The following PPP3CA variants were observed in gnomAD, a reference collection of about 807,000 sequenced individuals.
PPP3CA encodes the protein CAM-PRP catalytic subunit.
Under a neutral mutation model 66.5 loss-of-function variants are expected in PPP3CA, and 14 were observed. The observed-to-expected ratio is 0.21, with a 90% confidence interval of 0.14 to 0.33. The LOEUF (loss-of-function observed/expected upper bound fraction) is 0.33, where lower values mean the gene tolerates loss of function less well. Ranked by LOEUF, PPP3CA falls within the 10% of genes least tolerant of loss-of-function variation. The pLI is 1.00. For synonymous variants in PPP3CA, 232 were observed against 226.2 expected (o/e 1.03, Z -0.23); for missense variants, 317 against 639.5 (o/e 0.50, Z 5.44).
At chr4:101,124,711 A>G (rs868679326) in intron 2 of PPP3CA, among the ~76,000 whole-genome samples, 13 of 97,638 alleles carry the variant, frequency 1.3e-4, no homozygotes, top group East Asian at 1.1e-3. Context: ...GAAAGAAAGA[A>G]AGAAAGAAAG....
Position 101,201,873 on chromosome 4 carries a change from T to C in PPP3CA, c.59-5757A>G, listed in dbSNP as rs537520113. Among the ~76,000 whole-genome samples, 9 of 152,278 alleles carry C rather than the reference T, an allele frequency of 5.9e-5. No individual in the cohort carries two copies. The East Asian group carries it at 1.7e-3, about 29-fold the overall frequency. ...ATGCTAATCAAACTATATCAATTAA[T>C]CAATCAACCAGCAGCACCTATTAGG... On this transcript the variant is annotated intron_variant, in intron 1 of 13. Coordinates refer to ENST00000394854, the MANE Select transcript of PPP3CA (RefSeq NM_000944.5).
intron 1 of PPP3CA, among the ~76,000 whole-genome samples, chr4:101,269,157 T>C (rs1727256189): frequency 6.6e-6 from 1 of 152,168 alleles, no homozygotes; most frequent in Admixed American, 6.6e-5. Context: ...TCATCGTCTA[T>C]GACAGGCTAT....
rs1730050354 is a variant in PPP3CA, at chr4:101,347,342, CGCTGCCGCT to C, written c.-555_-547del. ...CCGCCGCTGCTGCCGCTGCTGCTGCCGCTGCCGCTGTTGCTGCTGCCGCTGCCCCTGCTT... is the reference window on the plus strand; with the variant it reads ...CCGCCGCTGCTGCCGCTGCTGCTGCCGTTGCTGCTGCCGCTGCCCCTGCTT... On this transcript the variant is annotated 5_prime_UTR_variant, in exon 1 of 14. Transcript: ENST00000394854. The C allele has an allele frequency of 9.8e-6, 2 of 203,910 alleles. No individual in the cohort carries two copies. The highest frequency in any genetic ancestry group is 1.4e-4 in the South Asian group (2 of 14,534). The allele number at this position is 203,910 out of a possible 1,614,324, so 12.6% of individuals were successfully genotyped here. A position where few individuals can be genotyped will look rare whatever the true frequency, so the allele number is the denominator to read the frequency against.
At chr4:101,327,372 A>G (rs1313523163) in intron 1 of PPP3CA, among the ~76,000 whole-genome samples, 1 of 152,152 alleles carries the variant, frequency 6.6e-6, no homozygotes, top group Non-Finnish European at 1.5e-5. Flanking sequence ...AGCTCAAGGA[A>G]GAACAAAAAC....
chr4:101,028,275 G>A (rs1726760067), intron 13 of PPP3CA, among the ~76,000 whole-genome samples: 1 of 152,158 alleles, frequency 6.6e-6, no homozygotes, highest in African/African-American at 2.4e-5. Context: ...AATTTCCAAA[G>A]GATATGGTAT....
intron 1 of PPP3CA, among the ~76,000 whole-genome samples, chr4:101,200,274 A>T (rs950149021): frequency 3.9e-5 from 6 of 152,190 alleles, no homozygotes; most frequent in African/African-American, 1.4e-4. Flanking sequence ...AACTTTTTAA[A>T]ATACTGTATC....
At chr4:101,066,248 T>G (rs1216164474) in intron 8 of PPP3CA, among the ~76,000 whole-genome samples, 1 of 152,120 alleles carries the variant, frequency 6.6e-6, no homozygotes, top group East Asian at 1.9e-4. Flanking sequence ...TCTCCTTCCA[T>G]GTTTAATCTC....
intron 1 of PPP3CA, among the ~76,000 whole-genome samples, chr4:101,206,056 G>A (rs1436838233): frequency 6.6e-6 from 1 of 152,170 alleles, no homozygotes; most frequent in African/African-American, 2.4e-5. Flanking sequence ...AAAACATCAG[G>A]CCCTCTGGGT....
intron 2 of PPP3CA, among the ~76,000 whole-genome samples, chr4:101,124,743 GAAAGAAAGAA>G (rs1722178085): frequency 9.7e-6 from 1 of 103,064 alleles, no homozygotes; most frequent in Admixed American, 9.9e-5. Flanking sequence ...AAGAAAGAAA[GAAAGAAAGAA>G]AGAAAGAAAG....
intron 3 of PPP3CA, among the ~76,000 whole-genome samples, chr4:101,102,904 C>G (rs1351972271): frequency 1.3e-5 from 2 of 152,168 alleles, no homozygotes; most frequent in African/African-American, 4.8e-5. Context: ...CTAATCACTT[C>G]AACTGGACCG....
At chr4:101,067,837 A>G (rs1728749211) in intron 8 of PPP3CA, among the ~76,000 whole-genome samples, 1 of 150,126 alleles carries the variant, frequency 6.7e-6, no homozygotes, top group African/African-American at 2.5e-5. Flanking sequence ...TAATAATAAT[A>G]ATAAAAAGCT....
intron 2 of PPP3CA, among the ~76,000 whole-genome samples, chr4:101,113,002 A>C (rs1200355387): frequency 6.6e-6 from 1 of 152,118 alleles, no homozygotes; most frequent in Non-Finnish European, 1.5e-5. Context: ...AAGAGGCCAG[A>C]GATTTTGAGA....
chr4:101,158,642 T>C (rs1391204748), intron 2 of PPP3CA, among the ~76,000 whole-genome samples: 2 of 152,206 alleles, frequency 1.3e-5, no homozygotes, highest in East Asian at 3.8e-4. Flanking sequence ...ACCTCAACTG[T>C]GGCCTCTACT....
intron 2 of PPP3CA, among the ~76,000 whole-genome samples, chr4:101,191,690 C>G (rs1724607010): frequency 6.6e-6 from 1 of 152,220 alleles, no homozygotes; most frequent in Admixed American, 6.5e-5. Context: ...CACCAGATTC[C>G]TATCCCTGCT....
chr4:101,197,048 G>T (rs1724817222), intron 1 of PPP3CA, among the ~76,000 whole-genome samples: 3 of 152,356 alleles, frequency 2.0e-5, no homozygotes, highest in Admixed American at 2.0e-4. Context: ...TGTTTCACAT[G>T]ATGGTTCATT....
chr4:101,242,726 A>G (rs1429045056), intron 1 of PPP3CA, among the ~76,000 whole-genome samples: 2 of 152,138 alleles, frequency 1.3e-5, no homozygotes, highest in Admixed American at 1.3e-4. Context: ...CAGGAGTTCA[A>G]GATCAACCTG....
intron 1 of PPP3CA, among the ~76,000 whole-genome samples, chr4:101,337,358 G>A (rs1261474549): frequency 6.6e-6 from 1 of 152,062 alleles, no homozygotes; most frequent in South Asian, 2.1e-4. Flanking sequence ...TGTTCAGACT[G>A]AATAATCTCT....
chr4:101,168,432 A>C (rs1723762834), intron 2 of PPP3CA, among the ~76,000 whole-genome samples: 1 of 152,172 alleles, frequency 6.6e-6, no homozygotes, highest in Non-Finnish European at 1.5e-5. Context: ...AAAGATGAGA[A>C]TATTTAGGAA....
chr4:101,066,579 T>C (rs1434057684), intron 8 of PPP3CA, among the ~76,000 whole-genome samples: 3 of 152,156 alleles, frequency 2.0e-5, no homozygotes, highest in Non-Finnish European at 4.4e-5. Context: ...TTCTTTTTTC[T>C]TCAGCAACAC....
Sources: gnomAD v4.1 joint callset for allele counts (sites outside exome capture counted in the v4.1 genomes callset) on GRCh38, gnomAD v4.1.1 for gene constraint, MANE v1.5 for transcripts, NCBI Gene and HGNC (gene_info 2026-07-23, HGNC 2026-07-21) for gene names.